Variants in CSRNP3 observed in about 807,000 individuals in gnomAD.
The protein encoded by CSRNP3 is cysteine and serine rich nuclear protein 3.
Under a neutral mutation model 48.0 loss-of-function variants are expected in CSRNP3, and 12 were observed. The observed-to-expected ratio is 0.25, with a 90% confidence interval of 0.16 to 0.41. The LOEUF is 0.41. Among genes scored for constraint, CSRNP3 ranks in the 10% least tolerant of loss-of-function variants. The pLI, the probability that CSRNP3 is intolerant of heterozygous loss-of-function variation, is 1.00. For missense variants in CSRNP3, 580 were observed against 724.4 expected (o/e 0.80, Z 2.29); for synonymous variants, 263 against 269.7 (o/e 0.98, Z 0.24).
At chr2:165,589,172 A>T (rs1221722155) in intron 3 of CSRNP3, among the ~76,000 whole-genome samples, 2 of 152,152 alleles carry the variant, frequency 1.3e-5, no homozygotes. Flanking sequence ...CAATCCTCCA[A>T]CACAGTATAA....
chr2:165,479,882 C>CA (rs574763160), intron 1 of CSRNP3, among the ~76,000 whole-genome samples: 35,922 of 126,984 alleles, frequency 0.28, 4,584 homozygotes, highest in East Asian at 0.37. Context: ...AGACCAGTCT[C>CA]AAAAAAAAAA....
At chr2:165,487,168 T>C (rs1359871821) in intron 1 of CSRNP3, among the ~76,000 whole-genome samples, 1 of 85,460 alleles carries the variant, frequency 1.2e-5, no homozygotes, top group African/African-American at 5.1e-5. Flanking sequence ...CAGGAGCCGA[T>C]GCGATCAACT....
intron 3 of CSRNP3, among the ~76,000 whole-genome samples, chr2:165,559,989 C>T (rs1353466112): frequency 6.6e-6 from 1 of 151,696 alleles, no homozygotes; most frequent in Non-Finnish European, 1.5e-5. Context: ...TTAGTAGAGA[C>T]GGGGTTTCAC....
intron 4 of CSRNP3, among the ~76,000 whole-genome samples, chr2:165,598,828 C>T (rs998909857): frequency 6.6e-6 from 1 of 151,964 alleles, no homozygotes; most frequent in South Asian, 2.1e-4. Context: ...ATAAAAAGTG[C>T]CCTTTTAATT....
intron 4 of CSRNP3, among the ~76,000 whole-genome samples, chr2:165,621,326 A>G (rs1381304665): frequency 6.7e-6 from 1 of 148,980 alleles, no homozygotes; most frequent in African/African-American, 2.5e-5. Context: ...ACTGATGCCA[A>G]TTCTGGCTTT....
chr2:165,548,320 A>G (rs1207188287), intron 3 of CSRNP3, among the ~76,000 whole-genome samples: 1 of 152,096 alleles, frequency 6.6e-6, no homozygotes, highest in Non-Finnish European at 1.5e-5. Context: ...GATCTTAACT[A>G]TTATTTCATC....
chr2:165,556,443 G>A (rs182550357), intron 3 of CSRNP3, among the ~76,000 whole-genome samples: 70 of 152,234 alleles, frequency 4.6e-4, no homozygotes, highest in African/African-American at 1.6e-3. Context: ...GTCAAACCCT[G>A]AGAATGGATT....
rs1320793306 is a variant in CSRNP3, at chr2:165,683,833, T to C, written c.*4080T>C. ...AGAAAAACTGACATCAGTTCTTGTC[T>C]AATTATATGTGAGCTGCAACTAAAA... On this transcript the variant is annotated 3_prime_UTR_variant, in exon 7 of 7. Coordinates refer to ENST00000651982, the MANE Select transcript of CSRNP3 (RefSeq NM_001172173.2). 1 of 152,110 alleles carries C rather than the reference T, an allele frequency of 6.6e-6. No homozygotes were observed. Among genetic ancestry groups the C allele is most frequent in the African/African-American group, 2.4e-5 (1 of 41,450 alleles). The allele number at this position is 152,110 out of a possible 1,614,324, so 9.4% of individuals were successfully genotyped here.
At chr2:165,495,259 T>G (rs763157773) in intron 2 of CSRNP3, among the ~76,000 whole-genome samples, 1 of 152,024 alleles carries the variant, frequency 6.6e-6, no homozygotes, top group African/African-American at 2.4e-5. Flanking sequence ...CGTCTATAGA[T>G]TGGTCAATGA....
At chr2:165,658,889 T>C (rs1008134300) in intron 5 of CSRNP3, among the ~76,000 whole-genome samples, 1 of 152,060 alleles carries the variant, frequency 6.6e-6, no homozygotes, top group East Asian at 1.9e-4. Context: ...CAATTCAAGA[T>C]GAGATTTGGG....
intron 4 of CSRNP3, among the ~76,000 whole-genome samples, chr2:165,627,837 G>A (rs1686463292): frequency 6.6e-6 from 1 of 152,000 alleles, no homozygotes; most frequent in African/African-American, 2.4e-5. Context: ...CATGAATGAG[G>A]AACTATGCTC....
intron 2 of CSRNP3, among the ~76,000 whole-genome samples, chr2:165,515,478 C>A (rs1684566590): frequency 6.6e-6 from 1 of 151,528 alleles, no homozygotes; most frequent in African/African-American, 2.4e-5. Context: ...TGAATTTCAA[C>A]TTTAATAATG....
At chr2:165,552,637 G>T (rs1483007472) in intron 3 of CSRNP3, among the ~76,000 whole-genome samples, 1 of 152,022 alleles carries the variant, frequency 6.6e-6, no homozygotes, top group African/African-American at 2.4e-5. Context: ...CCCTGAAAAT[G>T]TTAGCTCTTG....
At chr2:165,632,375 A>C (rs1686553106) in intron 4 of CSRNP3, among the ~76,000 whole-genome samples, 1 of 152,174 alleles carries the variant, frequency 6.6e-6, no homozygotes, top group Non-Finnish European at 1.5e-5. Context: ...TTTAAAAATT[A>C]GCATGTGTCT....
chr2:165,631,644 CA>C (rs1254003133), intron 4 of CSRNP3, among the ~76,000 whole-genome samples: 2 of 152,188 alleles, frequency 1.3e-5, no homozygotes, highest in African/African-American at 4.8e-5. Context: ...ATAAGTTACA[CA>C]GATCAGTAAG....
At chr2:165,569,931 A>G (rs1408498264) in intron 3 of CSRNP3, among the ~76,000 whole-genome samples, 1 of 151,908 alleles carries the variant, frequency 6.6e-6, no homozygotes, top group East Asian at 1.9e-4. Context: ...AATCCTATCT[A>G]CTTATTATAC....
rs1483684524 is a variant in CSRNP3 at position 165,686,399 on chromosome 2, C to A, written c.*6646C>A. 1 of 151,992 alleles carries A rather than the reference C, an allele frequency of 6.6e-6. No individual in the cohort carries two copies. Among genetic ancestry groups the A allele is most frequent in the Non-Finnish European group, 1.5e-5 (1 of 67,970 alleles). 9.4% of individuals were successfully genotyped at this position (151,992 alleles called of 1,614,324 possible). Reference sequence around the variant, plus strand: ...TGTATCCAATTTTGTTTTGCTCCTCCTTTTCATGTGGTCACCAAGCTTTTT... The same window carrying A: ...TGTATCCAATTTTGTTTTGCTCCTCATTTTCATGTGGTCACCAAGCTTTTT... On this transcript the variant is annotated 3_prime_UTR_variant, in exon 7 of 7. Coordinates refer to ENST00000651982, the MANE Select transcript of CSRNP3 (RefSeq NM_001172173.2).
At chr2:165,625,330 C>G (rs1374349324) in intron 4 of CSRNP3, among the ~76,000 whole-genome samples, 2 of 151,092 alleles carry the variant, frequency 1.3e-5, no homozygotes, top group Non-Finnish European at 2.9e-5. Context: ...TGTAAGTGCT[C>G]TTTAAAAAAA....
chr2:165,540,622 C>T (rs1482744339), intron 3 of CSRNP3, among the ~76,000 whole-genome samples: 2 of 151,328 alleles, frequency 1.3e-5, no homozygotes, highest in Non-Finnish European at 2.9e-5. Context: ...TTGTGTTCCA[C>T]AACACACCAC....
Sources: allele counts gnomAD v4.1 joint callset (sites outside exome capture counted in the v4.1 genomes callset), GRCh38; gene constraint gnomAD v4.1.1; transcripts MANE v1.5; gene names NCBI Gene and HGNC (gene_info 2026-07-23, HGNC 2026-07-21).